ATP12A: variants seen among roughly 807,000 people sequenced by gnomAD.
The protein encoded by ATP12A is ATPase H+/K+ transporting non-gastric alpha2 subunit, also known as potassium-transporting ATPase alpha chain 2.
In ATP12A, 81 loss-of-function variants were observed where a neutral mutation model predicts 111.2. That is an observed-to-expected ratio of 0.73 (90% CI 0.61 to 0.88). The LOEUF is 0.88. ATP12A is among the 40% of genes least tolerant of loss of function. The probability of loss-of-function intolerance (pLI) is 0.00; values close to 1 mark genes in which losing one functional copy is unlikely to be tolerated. For missense variants in ATP12A, 1,196 were observed against 1,313.1 expected, an observed-to-expected ratio of 0.91 and a Z score of 1.38; for synonymous variants, 498 against 499.8, an observed-to-expected ratio of 1.00 and a Z score of 0.05.
intron 8 of ATP12A, among the ~76,000 whole-genome samples, chr13:24,691,700 G>T (rs887463114): frequency 6.6e-6 from 1 of 151,892 alleles, no homozygotes; most frequent in South Asian, 2.1e-4. Flanking sequence ...GCCAACCCCA[G>T]ACCCAGCTGT....
rs571823770 is a variant in ATP12A at position 24,694,313 on chromosome 13, C to T, written c.1378-131C>T. 3.4e-5 allele frequency: 41 copies of T among 1,217,626 alleles called. No individual in the cohort carries two copies. In the African/African-American group the frequency reaches 6.1e-4, roughly 18 times the overall value. 75.4% of individuals were successfully genotyped at this position (1,217,626 alleles called of 1,614,324 possible). On this transcript the variant is annotated intron_variant, in intron 10 of 22. Transcript: ENST00000381946. ...ACGCTTACCACGGTCTTGCGGCCCT[C>T]CCTGATCACGTGATAATGTCTCTCC...
chr13:24,707,009 G>T lies in ATP12A; in HGVS notation c.2170-14G>T, dbSNP rs1327089486. 3 of 1,578,408 alleles carry T rather than the reference G, an allele frequency of 1.9e-6. No homozygotes were observed. The highest frequency in any genetic ancestry group is 2.6e-6 in the Non-Finnish European group (3 of 1,160,174). ...CTGCTCACTCCCACTTTCTCCCTGGGTCCCCCGCCATAGGATGCTGTTGTT... is the reference window on the plus strand; with the variant it reads ...CTGCTCACTCCCACTTTCTCCCTGGTTCCCCCGCCATAGGATGCTGTTGTT... On this transcript the variant is annotated splice_polypyrimidine_tract_variant and intron_variant, in intron 15 of 22. Coordinates refer to ENST00000381946, the MANE Select transcript of ATP12A (RefSeq NM_001676.7).
chr13:24,702,648 TC>T (rs1197841961), intron 14 of ATP12A, among the ~76,000 whole-genome samples: 1 of 152,246 alleles, frequency 6.6e-6, no homozygotes, highest in African/African-American at 2.4e-5. Context: ...AACTGTACAT[TC>T]ACTCATGTAT....
At chr13:24,681,756 T>C in intron 2 of ATP12A, 36 bp downstream of exon 2, 6 of 1,612,838 alleles carry the variant, frequency 3.7e-6, no homozygotes, top group Non-Finnish European at 5.1e-6. Context: ...CTGCCGGCTA[T>C]GGCCCTTCCC....
chr13:24,711,385 C>T lies in ATP12A; in HGVS notation c.3067C>T (p.Leu1023Phe), dbSNP rs756205311. ...LIWVYDEVRK[L>F]FIRLYPGSWW... The stretch of plus-strand genomic sequence containing the variant: ...CTGGGTGTATGATGAGGTGCGGAAG[C>T]TCTTCATCAGGCTCTACCCTGGAAG... The change falls in exon 22 of 23, where the codon CTC (leucine) becomes TTC (phenylalanine). Residue 1023 changes from leucine (L) to phenylalanine (F), a missense_variant. Physicochemically the swap from Leu to Phe is conservative, Grantham distance 22 (BLOSUM62 0). This residue lies in a region of ATP12A where 1,126 missense variants were observed against 1,228.5 expected (regional missense o/e 0.92). Coordinates refer to ENST00000381946, the MANE Select transcript of ATP12A (RefSeq NM_001676.7). 4 of 1,612,910 alleles carry T rather than the reference C, an allele frequency of 2.5e-6. No individual in the cohort carries two copies. In the Admixed American group the frequency reaches 6.7e-5, roughly 27 times the overall value.
At chr13:24,710,973 C>T in intron 21 of ATP12A, 80 bp downstream of exon 21, 4 of 1,287,244 alleles carry the variant, frequency 3.1e-6, no homozygotes, top group Non-Finnish European at 4.4e-6. Context: ...CCTGAGGATT[C>T]CCAGGGTTCT....
chr13:24,699,720 G>A (rs948363408), intron 12 of ATP12A, among the ~76,000 whole-genome samples: 3 of 152,240 alleles, frequency 2.0e-5, no homozygotes, highest in African/African-American at 7.2e-5. Context: ...TGCCTGCGGT[G>A]TTGTCAAAGG....
intron 11 of ATP12A, among the ~76,000 whole-genome samples, chr13:24,696,826 C>G (rs1439999773): frequency 6.7e-6 from 1 of 149,902 alleles, no homozygotes; most frequent in Non-Finnish European, 1.5e-5. Flanking sequence ...CATTTTATAT[C>G]TACACATGAG....
At position 24,708,964 on chromosome 13, in the gene ATP12A, G is replaced by GGAAGAAAGAAAGAAA. The variant is rs1566078418; in HGVS notation, c.2494-397_2494-396insGAAAGAAAGAAAGAA. Among the ~76,000 whole-genome samples the GGAAGAAAGAAAGAAA allele has an allele frequency of 1.2e-3, 140 of 114,818 alleles. 6 individuals carry two copies. The highest frequency in any genetic ancestry group is 3.7e-3 in the African/African-American group (112 of 30,420). 75.3% of individuals were successfully genotyped at this position (114,818 alleles called of 152,430 possible). On this transcript the variant is annotated intron_variant, in intron 17 of 22. Coordinates refer to ENST00000381946, the MANE Select transcript of ATP12A (RefSeq NM_001676.7). Reference sequence around the variant, plus strand: ...AAGAAAGAAAGAAAGAAAGAAAGAAGGAAAGAGAAAGAGAAATGAATGCAA... The same window carrying GGAAGAAAGAAAGAAA: ...AAGAAAGAAAGAAAGAAAGAAAGAAGGAAGAAAGAAAGAAAGAAAGAGAAAGAGAAATGAATGCAA...
In ATP12A at chr13:24,690,472, G is replaced by C; in HGVS notation, c.681G>C (p.Arg227=). The C allele has an allele frequency of 6.2e-7, 1 of 1,613,728 alleles. No individual in the cohort carries two copies. The highest frequency in any genetic ancestry group is 1.3e-5 in the African/African-American group (1 of 74,956). Residue 227 remains arginine (R), a splice_region_variant and synonymous_variant, in exon 6 of 23, where the codon CGG becomes CGC. Coordinates refer to ENST00000381946, the MANE Select transcript of ATP12A (RefSeq NM_001676.7). ...GGGTGCTGTCTTCTCAGGGGTGTCG[G>C]GTAAGCGGCAAGGGGTATCCACCCC... is the stretch of plus-strand genomic sequence containing the variant. ...DIRVLSSQGC[R]VDNSSLTGES...
chr13:24,687,068 G>A (rs892984809), intron 3 of ATP12A, among the ~76,000 whole-genome samples: 1 of 152,184 alleles, frequency 6.6e-6, no homozygotes, highest in Non-Finnish European at 1.5e-5. Flanking sequence ...TTGGAGTGGA[G>A]GGAGATGGGA....
At chr13:24,698,636 C>T (rs368945559) in intron 11 of ATP12A, 22 bp from the exon 12 acceptor site, 21 of 1,608,576 alleles carry the variant, frequency 1.3e-5, no homozygotes, top group East Asian at 4.5e-5. Flanking sequence ...GTAAGTAACA[C>T]GCTCAGTTCA....
intron 10 of ATP12A, 22 bp downstream of exon 10, chr13:24,692,918 G>T: frequency 6.2e-7 from 1 of 1,602,816 alleles, no homozygotes; most frequent in South Asian, 1.1e-5. Context: ...GCAGCACTTG[G>T]TCTTAAATCA....
At chr13:24,694,349 T>C in intron 10 of ATP12A, 95 bp from the exon 11 acceptor site, 1 of 1,460,696 alleles carries the variant, frequency 6.8e-7, no homozygotes, top group East Asian at 2.3e-5. Flanking sequence ...AGCTAGGTGG[T>C]AATGGGATCA....
rs1197582790 is a variant in ATP12A, at chr13:24,688,429, G to A, written c.339G>A (p.Gly113=). 5 of 1,614,164 alleles carry A rather than the reference G, an allele frequency of 3.1e-6. No individual in the cohort carries two copies. The highest frequency in any genetic ancestry group is 4.2e-6 in the Non-Finnish European group (5 of 1,180,028). Residue 113 remains glycine (G), a synonymous_variant, in exon 4 of 23, where the codon GGG becomes GGA. Coordinates refer to ENST00000381946, the MANE Select transcript of ATP12A (RefSeq NM_001676.7). ...TCAAGTTCCTCAAGCAGATGGTGGG[G>A]GGGTTCTCTATCCTCCTGTGGGTGG... ...EIVKFLKQMV[G]GFSILLWVGA...
chr13:24,706,283 GC>G, intron 14 of ATP12A, 29 bp from the exon 15 acceptor site: 1 of 1,609,930 alleles, frequency 6.2e-7, no homozygotes, highest in Non-Finnish European at 8.5e-7. Context: ...CTGCCCTTGG[GC>G]CTCACCCAGT....
chr13:24,709,399 A>C lies in ATP12A; in HGVS notation c.2529A>C (p.Glu843Asp), dbSNP rs1310949802. The change falls in exon 18 of 23, where the codon GAA becomes GAC. Residue 843 changes from glutamate to aspartate, a missense_variant. Coordinates refer to ENST00000381946, the MANE Select transcript of ATP12A (RefSeq NM_001676.7). ...TTGCCTTGGCGTACGAGAAAGCTGA[A>C]AGTGACATCATGAACAGGAAGCCTC... ...PSIALAYEKA[E>D]SDIMNRKPRH... 6.2e-6 allele frequency: 10 copies of C among 1,613,680 alleles called. No homozygotes were observed. The highest frequency in any genetic ancestry group is 4.0e-5 in the African/African-American group (3 of 74,810).
intron 14 of ATP12A, among the ~76,000 whole-genome samples, chr13:24,702,459 C>G (rs140978419): frequency 1.3e-5 from 2 of 152,364 alleles, no homozygotes; most frequent in East Asian, 3.9e-4. Flanking sequence ...CATGCACCCT[C>G]CTTGGTAAGC....
chr13:24,708,964 G>GAAAGGAAGAAAGAAAGAAA (rs1566078416), intron 17 of ATP12A, among the ~76,000 whole-genome samples: 7 of 114,730 alleles, frequency 6.1e-5, no homozygotes, highest in Non-Finnish European at 1.1e-4. Flanking sequence ...AAAGAAAGAA[G>GAAAGGAAGAAAGAAAGAAA]GAAAGAGAAA....
Sources: gnomAD v4.1 joint callset for allele counts (sites outside exome capture counted in the v4.1 genomes callset) on GRCh38, gnomAD v4.1.1 for gene constraint, gnomAD v4.1.1 regional missense constraint, MANE v1.5 for transcripts, NCBI Gene and HGNC (gene_info 2026-07-23, HGNC 2026-07-21) for gene names.